CD109: variants seen among roughly 807,000 people sequenced by gnomAD.
CD109 encodes the protein CD109 molecule.
Under a neutral mutation model 165.8 loss-of-function variants are expected in CD109, and 149 were observed. That is an observed-to-expected ratio of 0.90 (90% CI 0.79 to 1.03). The LOEUF is 1.03. Ranked by LOEUF, CD109 falls within the 50% of genes least tolerant of loss-of-function variation. The pLI is 0.00. For synonymous variants in CD109, 585 were observed against 592.1 expected (o/e 0.99, Z 0.18); for missense variants, 1,712 against 1,677.8 (o/e 1.02, Z -0.36).
chr6:73,708,105 C>T (rs576961918), intron 2 of CD109, among the ~76,000 whole-genome samples: 19 of 151,534 alleles, frequency 1.3e-4, no homozygotes, highest in South Asian at 2.1e-4. Flanking sequence ...CCCATTAACG[C>T]GTCACTTACA....
chr6:73,763,092 G>A (rs1387099983), intron 9 of CD109, among the ~76,000 whole-genome samples: 1 of 152,112 alleles, frequency 6.6e-6, no homozygotes, highest in East Asian at 1.9e-4. Context: ...TCAACCACAT[G>A]TGATAGCTCT....
At chr6:73,701,035 T>C (rs1239643967) in intron 2 of CD109, among the ~76,000 whole-genome samples, 4 of 151,608 alleles carry the variant, frequency 2.6e-5, no homozygotes, top group African/African-American at 9.7e-5. Context: ...ACTCCTGACC[T>C]CGTGACCTGC....
rs1167073582 is a variant in CD109, at chr6:73,783,782, C to A, written c.2181C>A (p.Ile727=). The change falls in exon 19 of 33, where the codon ATC becomes ATA. Residue 727 remains isoleucine, a synonymous_variant. Coordinates refer to ENST00000287097, the MANE Select transcript of CD109 (RefSeq NM_133493.5). The stretch of plus-strand genomic sequence containing the variant: ...CTTGGGTGGCTACTGGTTTTGTGAT[C>A]TCTGAGGACCTGGGTCTTGGACTAA... ...ITSWVATGFV[I]SEDLGLGLTT... 6 of 1,612,388 alleles carry A rather than the reference C, an allele frequency of 3.7e-6. No individual in the cohort carries two copies. Among genetic ancestry groups the A allele is most frequent in the Non-Finnish European group, 5.1e-6 (6 of 1,178,672 alleles).
At chr6:73,728,816 A>G (rs1346588217) in intron 3 of CD109, among the ~76,000 whole-genome samples, 1 of 152,264 alleles carries the variant, frequency 6.6e-6, no homozygotes, top group African/African-American at 2.4e-5. Context: ...AAAATCAACT[A>G]AAAGTCAAGC....
chr6:73,725,173 G>A (rs1247445840), intron 3 of CD109, among the ~76,000 whole-genome samples: 1 of 152,178 alleles, frequency 6.6e-6, no homozygotes, highest in Non-Finnish European at 1.5e-5. Context: ...ACATTAGATT[G>A]CATTAAAATA....
At chr6:73,717,017 C>T (rs527440907) in intron 2 of CD109, among the ~76,000 whole-genome samples, 1 of 152,304 alleles carries the variant, frequency 6.6e-6, no homozygotes, top group Admixed American at 6.5e-5. Context: ...TTTCCTAGCA[C>T]CATTTATTGA....
chr6:73,733,085 C>G (rs1277864254), intron 4 of CD109, among the ~76,000 whole-genome samples: 2 of 152,112 alleles, frequency 1.3e-5, no homozygotes, highest in African/African-American at 4.8e-5. Flanking sequence ...CAGGTGGGAG[C>G]AGTAATGTGA....
intron 3 of CD109, 86 bp downstream of exon 3, chr6:73,723,365 A>C: frequency 9.7e-7 from 1 of 1,034,862 alleles, no homozygotes; most frequent in Non-Finnish European, 1.5e-6. Flanking sequence ...ATTTTATGTC[A>C]ATTCACACAT....
rs572744812 is a variant in CD109 at position 73,765,589 on chromosome 6, T to C, written c.1108-341T>C. ...AGAGATGACAAGCTAAGCAATAGGA[T>C]TGCTGAGACCTTGGAGGAAGGGAGA... On this transcript the variant is annotated intron_variant, in intron 10 of 32. Coordinates refer to ENST00000287097, the MANE Select transcript of CD109 (RefSeq NM_133493.5). Among the ~76,000 whole-genome samples the C allele has an allele frequency of 2.6e-5, 4 of 152,038 alleles. No individual in the cohort carries two copies. The South Asian group carries it at 8.3e-4, about 32-fold the overall frequency.
intron 22 of CD109, among the ~76,000 whole-genome samples, chr6:73,791,765 T>G (rs1774981552): frequency 1.3e-5 from 2 of 152,224 alleles, no homozygotes; most frequent in African/African-American, 2.4e-5. Flanking sequence ...CTCTATTTTT[T>G]TCTTTGTATT....
At chr6:73,738,847 A>G (rs986298264) in intron 5 of CD109, among the ~76,000 whole-genome samples, 4 of 152,182 alleles carry the variant, frequency 2.6e-5, no homozygotes, top group African/African-American at 9.7e-5. Flanking sequence ...TCTGCTGAGA[A>G]TGTTTTTTCT....
intron 30 of CD109, 99 bp from the exon 31 acceptor site, chr6:73,818,289 A>T: frequency 8.0e-7 from 1 of 1,242,250 alleles, no homozygotes; most frequent in South Asian, 1.3e-5. Flanking sequence ...CAGTGTTTGG[A>T]ATAACATTTG....
At chr6:73,768,360 C>T in intron 14 of CD109, 129 bp downstream of exon 14, 1 of 617,850 alleles carries the variant, frequency 1.6e-6, no homozygotes, top group Non-Finnish European at 2.8e-6. Flanking sequence ...ATTTCTAGAA[C>T]TATGGTTAAA....
chr6:73,806,714 C>A, intron 24 of CD109, 130 bp from the exon 25 acceptor site: 1 of 625,106 alleles, frequency 1.6e-6, no homozygotes, highest in Admixed American at 3.1e-5. Context: ...TTTCCTTGTT[C>A]CATCTTCAGT....
intron 5 of CD109, among the ~76,000 whole-genome samples, chr6:73,752,533 C>T (rs1430431437): frequency 1.3e-5 from 2 of 152,124 alleles, no homozygotes; most frequent in African/African-American, 2.4e-5. Context: ...CTAAGAATAC[C>T]TGCTGACTCT....
Position 73,818,552 on chromosome 6 carries a change from A to G in CD109, c.4059+17A>G, listed in dbSNP as rs1776014843. ...TTAGATTCTGTAAGTAGTAAAACAT[A>G]AGGTAACTGTTGACAAAGCCACTGT... On this transcript the variant is annotated intron_variant, in intron 31 of 32. Coordinates refer to ENST00000287097, the MANE Select transcript of CD109 (RefSeq NM_133493.5). 1.2e-6 allele frequency: 2 copies of G among 1,608,180 alleles called. No homozygotes were observed. Among genetic ancestry groups the G allele is most frequent in the Non-Finnish European group, 1.7e-6 (2 of 1,177,392 alleles).
intron 5 of CD109, among the ~76,000 whole-genome samples, chr6:73,739,159 A>G (rs537186889): frequency 3.9e-5 from 6 of 152,310 alleles, no homozygotes; most frequent in African/African-American, 1.4e-4. Context: ...TCCCTTTTGT[A>G]TATTCTATAA....
intron 5 of CD109, among the ~76,000 whole-genome samples, chr6:73,738,629 T>G (rs923062899): frequency 2.0e-5 from 3 of 152,226 alleles, no homozygotes; most frequent in Non-Finnish European, 4.4e-5. Flanking sequence ...GCTTGTCATA[T>G]TGCTTTTATA....
chr6:73,727,584 C>T (rs1040508877), intron 3 of CD109, among the ~76,000 whole-genome samples: 7 of 152,110 alleles, frequency 4.6e-5, no homozygotes, highest in African/African-American at 1.4e-4. Context: ...AAAATGTTTT[C>T]GGGCATATTT....
Sources: gnomAD v4.1 joint callset for allele counts (sites outside exome capture counted in the v4.1 genomes callset) on GRCh38, gnomAD v4.1.1 for gene constraint, MANE v1.5 for transcripts, NCBI Gene and HGNC (gene_info 2026-07-23, HGNC 2026-07-21) for gene names.